Variants in TMEM184B observed in about 807,000 individuals in gnomAD.
TMEM184B encodes the protein putative MAPK-activating protein FM08.
Under a neutral mutation model 41.8 loss-of-function variants are expected in TMEM184B, and 17 were observed. That is an observed-to-expected ratio of 0.41 (90% CI 0.28 to 0.61). The LOEUF (loss-of-function observed/expected upper bound fraction) is 0.61. Among genes scored for constraint, TMEM184B ranks in the 20% least tolerant of loss-of-function variants. The probability of loss-of-function intolerance (pLI) is 0.34; values close to 1 mark genes in which losing one functional copy is unlikely to be tolerated. For synonymous variants in TMEM184B, 240 were observed against 229.5 expected (o/e 1.05, Z -0.41); for missense variants, 393 against 557.8 (o/e 0.70, Z 2.98).
downstream of TMEM184B, among the ~76,000 whole-genome samples, chr22:38,217,862 A>G (rs1328969533): frequency 6.6e-6 from 1 of 151,672 alleles, no homozygotes; most frequent in Non-Finnish European, 1.5e-5. Flanking sequence ...AGAAAAGAAA[A>G]GAAAACAATT....
intron 8 of TMEM184B, 97 bp from the exon 9 acceptor site, chr22:38,221,807 C>G (rs2091268912): frequency 6.6e-7 from 1 of 1,505,172 alleles, no homozygotes; most frequent in East Asian, 2.3e-5. Context: ...AGACACCCCC[C>G]AACCCAAAGC....
chr22:38,225,957 C>T lies in TMEM184B; in HGVS notation c.618-364G>A, dbSNP rs1393799317. On this transcript the variant is annotated intron_variant, in intron 6 of 8. Coordinates refer to ENST00000361906, the MANE Select transcript of TMEM184B (RefSeq NM_012264.5). This position sits in a 1 kb window ranked among gnomAD's most constrained non-coding sequence, Gnocchi z 4.4. ...ACGCTGCTCAGCTCTGCTGCCTTTT[C>T]ACTCGGTCGGCTGCATCCCCCTGAC... 6.6e-6 allele frequency among the ~76,000 whole-genome samples: 1 copy of T among 152,170 alleles called. No homozygotes were observed. Among genetic ancestry groups the T allele is most frequent in the African/African-American group, 2.4e-5 (1 of 41,390 alleles).
At chr22:38,258,403 C>T (rs936268335) in intron 1 of TMEM184B, among the ~76,000 whole-genome samples, 2 of 151,314 alleles carry the variant, frequency 1.3e-5, no homozygotes, top group African/African-American at 2.4e-5. Context: ...CAGGTTCAAG[C>T]GATTCTCCTG....
chr22:38,221,403 G>T lies in TMEM184B; in HGVS notation c.*66C>A. 6.5e-7 allele frequency: 1 copy of T among 1,531,240 alleles called. No homozygotes were observed. The highest frequency in any genetic ancestry group is 1.4e-5 in the African/African-American group (1 of 73,100). 94.9% of individuals were successfully genotyped at this position (1,531,240 alleles called of 1,614,324 possible). A position where few individuals can be genotyped will look rare whatever the true frequency, so the allele number is the denominator to read the frequency against. On this transcript the variant is annotated 3_prime_UTR_variant, in exon 9 of 9. Transcript: ENST00000361906. ...CAGCTGCCTCCTGGCCTGGTGGTGAGGCTGGAGGTGGGGCACAGCCTGACC... is the reference window on the plus strand; with the variant it reads ...CAGCTGCCTCCTGGCCTGGTGGTGATGCTGGAGGTGGGGCACAGCCTGACC...
Position 38,231,351 on chromosome 22 carries a change from C to CA in TMEM184B, c.359-18dup. ...TGACCAAGGCTGCGAAGAGAGTGTC[C>CA]AGGAGAAACCAGTCAAATCAGCAGA... On this transcript the variant is annotated splice_polypyrimidine_tract_variant and intron_variant, in intron 3 of 8. Transcript: ENST00000361906. 6.2e-7 allele frequency: 1 copy of CA among 1,601,270 alleles called. No individual in the cohort carries two copies. The highest frequency in any genetic ancestry group is 8.6e-7 in the Non-Finnish European group (1 of 1,168,266).
At chr22:38,271,752 G>A (rs1399453357) in intron 1 of TMEM184B, among the ~76,000 whole-genome samples, 1 of 152,184 alleles carries the variant, frequency 6.6e-6, no homozygotes, top group African/African-American at 2.4e-5. Context: ...CCTGGCTGCT[G>A]GGGCTCTCCC....
chr22:38,222,463 C>T (rs1021952387), intron 8 of TMEM184B: 29 of 323,536 alleles, frequency 9.0e-5, no homozygotes, highest in African/African-American at 2.7e-4. Flanking sequence ...GAAACGAGGA[C>T]GGAAGCAGGC....
At chr22:38,266,495 T>A (rs1242682266) in intron 1 of TMEM184B, among the ~76,000 whole-genome samples, 1 of 152,236 alleles carries the variant, frequency 6.6e-6, no homozygotes, top group Non-Finnish European at 1.5e-5. Flanking sequence ...TCACCACTGC[T>A]GCAACGGTGC....
At chr22:38,266,630 G>A (rs2092447706) in intron 1 of TMEM184B, among the ~76,000 whole-genome samples, 1 of 152,230 alleles carries the variant, frequency 6.6e-6, no homozygotes. Flanking sequence ...AATGCTATGG[G>A]TAAATGTTTA....
In TMEM184B at chr22:38,219,497, T is replaced by C; in HGVS notation, c.*1972A>G. On this transcript the variant is annotated 3_prime_UTR_variant, in exon 9 of 9. Transcript: ENST00000361906. ...ATTAATTTTTCAAGTATTCTTTATG[T>C]ACAAAGAGCTACTCTACCTGGAAAG... 1.0e-6 allele frequency: 1 copy of C among 985,238 alleles called. No individual in the cohort carries two copies. Among genetic ancestry groups the C allele is most frequent in the Non-Finnish European group, 1.2e-6 (1 of 829,802 alleles). The allele number at this position is 985,238 out of a possible 1,614,324, so 61.0% of individuals were successfully genotyped here.
At position 38,225,311 on chromosome 22, in the gene TMEM184B, A is replaced by G; in HGVS notation, c.787+113T>C. 1 of 1,337,374 alleles carries G rather than the reference A, an allele frequency of 7.5e-7. No homozygotes were observed. The highest frequency in any genetic ancestry group is 1.0e-6 in the Non-Finnish European group (1 of 989,778). 82.8% of individuals were successfully genotyped at this position (1,337,374 alleles called of 1,614,324 possible). On this transcript the variant is annotated intron_variant, in intron 7 of 8. Coordinates refer to ENST00000361906, the MANE Select transcript of TMEM184B (RefSeq NM_012264.5). This position sits in a 1 kb window ranked among gnomAD's most constrained non-coding sequence, Gnocchi z 4.4. ...CCCCCAGCAAGTGCCCAGTGGGCTG[A>G]GGCCCCTCTGAACAGGCCCTACAGG...
intron 3 of TMEM184B, among the ~76,000 whole-genome samples, chr22:38,243,385 G>A (rs1461458484): frequency 1.3e-5 from 2 of 152,154 alleles, no homozygotes; most frequent in South Asian, 2.1e-4. Context: ...GGGTCCCGCC[G>A]AGAAGAGAGC....
At chr22:38,257,816 T>C (rs2092307455) in intron 1 of TMEM184B, among the ~76,000 whole-genome samples, 1 of 152,218 alleles carries the variant, frequency 6.6e-6, no homozygotes, top group Non-Finnish European at 1.5e-5. Flanking sequence ...GTTTCTTTTT[T>C]ACTGATAGGG....
At chr22:38,250,272 G>A (rs576125013) in intron 1 of TMEM184B, among the ~76,000 whole-genome samples, 14 of 152,358 alleles carry the variant, frequency 9.2e-5, no homozygotes, top group Middle Eastern at 3.4e-3. Flanking sequence ...GCCAACGGCC[G>A]CAGCATCTCC....
chr22:38,264,065 A>G (rs2092409843), intron 1 of TMEM184B, among the ~76,000 whole-genome samples: 2 of 152,206 alleles, frequency 1.3e-5, no homozygotes, highest in African/African-American at 4.8e-5. Flanking sequence ...TCGGCCTCCC[A>G]AAGTGCTGGG....
At chr22:38,235,057 C>T (rs1421287655) in intron 3 of TMEM184B, among the ~76,000 whole-genome samples, 2 of 152,210 alleles carry the variant, frequency 1.3e-5, no homozygotes, top group Non-Finnish European at 2.9e-5. Context: ...GTCCTACCTC[C>T]AATGACTACC....
downstream of TMEM184B, among the ~76,000 whole-genome samples, chr22:38,218,506 C>T (rs1424598187): frequency 6.6e-6 from 1 of 150,888 alleles, no homozygotes; most frequent in South Asian, 2.1e-4. Context: ...GTGAGGCCAA[C>T]TCTATGGCTG....
In TMEM184B at chr22:38,228,834, T is replaced by C. The variant is rs564553481; in HGVS notation, c.525+1835A>G. The stretch of plus-strand genomic sequence containing the variant: ...GCCCACAGGGCTGGGGAATAATTTC[T>C]AACAAGGCCACACTAGCTAACAATC... On this transcript the variant is annotated intron_variant, in intron 5 of 8. Transcript: ENST00000361906. Among the ~76,000 whole-genome samples the C allele has an allele frequency of 2.7e-3, 415 of 152,314 alleles. 2 individuals carry two copies. The highest frequency in any genetic ancestry group is 4.4e-3 in the Non-Finnish European group (300 of 68,026).
chr22:38,227,342 G>C (rs1339777854), intron 5 of TMEM184B, among the ~76,000 whole-genome samples: 1 of 152,140 alleles, frequency 6.6e-6, no homozygotes, highest in Non-Finnish European at 1.5e-5. Context: ...AAGGCCCCGA[G>C]GCAGAGGGTG....
Sources: allele counts gnomAD v4.1 joint callset (sites outside exome capture counted in the v4.1 genomes callset), GRCh38; gene constraint gnomAD v4.1.1; non-coding constraint Gnocchi (gnomAD v3.1); transcripts MANE v1.5; gene names NCBI Gene and HGNC (gene_info 2026-07-23, HGNC 2026-07-21).